Variants in ZW10 observed in about 807,000 individuals in gnomAD.
The protein encoded by ZW10 is centromere/kinetochore protein zw10 homolog.
In ZW10, 53 loss-of-function variants were observed where a neutral mutation model predicts 87.8. That is an observed-to-expected ratio of 0.60 (90% CI 0.48 to 0.76). The LOEUF (loss-of-function observed/expected upper bound fraction) is 0.76, where lower values mean the gene tolerates loss of function less well. ZW10 is among the 30% of genes least tolerant of loss of function. ZW10 has a pLI of 0.00. For missense variants in ZW10, 837 were observed against 923.0 expected, an observed-to-expected ratio of 0.91 and a Z score of 1.21; for synonymous variants, 312 against 329.2, an observed-to-expected ratio of 0.95 and a Z score of 0.57.
At chr11:113,747,401 G>T in intron 9 of ZW10, 130 bp downstream of exon 9, 1 of 783,444 alleles carries the variant, frequency 1.3e-6, no homozygotes, top group Non-Finnish European at 2.0e-6. Flanking sequence ...CAAAACCAAT[G>T]TAAAAAAGAT....
intron 2 of ZW10, among the ~76,000 whole-genome samples, chr11:113,767,677 C>T (rs1448360457): frequency 1.3e-5 from 2 of 152,170 alleles, no homozygotes; most frequent in East Asian, 3.9e-4. Flanking sequence ...ATGTCACTCT[C>T]TTGCTTAAAA....
chr11:113,760,281 T>C lies in ZW10; in HGVS notation c.508A>G (p.Lys170Glu), dbSNP rs1428611533. ...KSLSMELTIQ[K>E]QNILYHLGEE... ...CCAAGGTGATAAAGTATGTTCTGTT[T>C]CTGTATTGTGAGCTCCATGCTGAGA... The change falls in exon 5 of 16, where the codon AAA becomes GAA. Residue 170 changes from lysine (K) to glutamate (E), a missense_variant. Coordinates refer to ENST00000200135, the MANE Select transcript of ZW10 (RefSeq NM_004724.4). 3 of 1,614,166 alleles carry C rather than the reference T, an allele frequency of 1.9e-6. No individual in the cohort carries two copies. Among genetic ancestry groups the C allele is most frequent in the Non-Finnish European group, 2.5e-6 (3 of 1,180,026 alleles).
At chr11:113,742,795 ATG>A in intron 10 of ZW10, among the ~76,000 whole-genome samples, 1 of 152,350 alleles carries the variant, frequency 6.6e-6, no homozygotes, top group East Asian at 1.9e-4. Flanking sequence ...CTGAATGGAC[ATG>A]TGAATGTAAT....
chr11:113,773,669 C>A lies in ZW10; in HGVS notation c.-3G>T. Reference sequence around the variant, plus strand: ...ACTTCTGTCACGAACGAGGCCATGGCCAAGACGGGAACCAACGCTGACTGG... The same window carrying A: ...ACTTCTGTCACGAACGAGGCCATGGACAAGACGGGAACCAACGCTGACTGG... On this transcript the variant is annotated 5_prime_UTR_variant, in exon 1 of 16. Coordinates refer to ENST00000200135, the MANE Select transcript of ZW10 (RefSeq NM_004724.4). 1 of 1,612,920 alleles carries A rather than the reference C, an allele frequency of 6.2e-7. No individual in the cohort carries two copies. Among genetic ancestry groups the A allele is most frequent in the Non-Finnish European group, 8.5e-7 (1 of 1,179,406 alleles).
intron 7 of ZW10, 131 bp downstream of exon 7, chr11:113,757,531 A>T (rs763044646): frequency 1.1e-5 from 8 of 706,014 alleles, no homozygotes; most frequent in Non-Finnish European, 1.6e-5. Flanking sequence ...TTTTGCCCCT[A>T]TGGCACAATT....
At position 113,743,958 on chromosome 11, in the gene ZW10, T is replaced by C. The variant is rs1953652060; in HGVS notation, c.1355A>G (p.Asn452Ser). Residue 452 changes from asparagine to serine, a missense_variant, in exon 10 of 16, where the codon AAT becomes AGT. Physicochemically the swap from Asn to Ser is conservative, Grantham distance 46. Coordinates refer to ENST00000200135, the MANE Select transcript of ZW10 (RefSeq NM_004724.4). Reference sequence around the variant, plus strand: ...ATTCATCACTTCGTGGTACTGAGTATTGGATACTTTCTGTACTTCCAGTTT... The same window carrying C: ...ATTCATCACTTCGTGGTACTGAGTACTGGATACTTTCTGTACTTCCAGTTT... ...DNKLEVQKVSNTQYHEVMNLE... is the reference protein window; with the variant it reads ...DNKLEVQKVSSTQYHEVMNLE... The C allele has an allele frequency of 1.2e-6, 2 of 1,614,244 alleles. No individual in the cohort carries two copies. The highest frequency in any genetic ancestry group is 1.3e-5 in the African/African-American group (1 of 75,068).
intron 7 of ZW10, among the ~76,000 whole-genome samples, chr11:113,752,972 G>GT (rs969560342): frequency 7.9e-5 from 12 of 151,986 alleles, no homozygotes; most frequent in Non-Finnish European, 1.8e-4. Context: ...AAAAGACTGG[G>GT]TTTTTTTAGT....
At position 113,739,226 on chromosome 11, in the gene ZW10, G is replaced by A; in HGVS notation, c.1740C>T (p.Gly580=). The part of the protein sequence containing the change: ...GTATFVDLVP[G]FRRLGTECFL... ...AGTATCAGTTACCAAGTCTCCTGAAGCCAGGTACAAGATCCACAAAAGTAG... is the reference window on the plus strand; with the variant it reads ...AGTATCAGTTACCAAGTCTCCTGAAACCAGGTACAAGATCCACAAAAGTAG... The change falls in exon 12 of 16, where the codon GGC becomes GGT. Residue 580 remains glycine (G), a synonymous_variant. Transcript: ENST00000200135. 6.2e-7 allele frequency: 1 copy of A among 1,613,792 alleles called. No homozygotes were observed. The highest frequency in any genetic ancestry group is 8.5e-7 in the Non-Finnish European group (1 of 1,179,888).
At chr11:113,769,007 TGAGTA>T (rs1401745414) in intron 1 of ZW10, 40 bp from the exon 2 acceptor site, 7 of 1,594,596 alleles carry the variant, frequency 4.4e-6, no homozygotes, top group Middle Eastern at 1.7e-4. Context: ...GACAGTGAAA[TGAGTA>T]GAGAACTCTA....
intron 11 of ZW10, 140 bp downstream of exon 11, chr11:113,741,554 T>TA (rs1247308595): frequency 1.9e-6 from 1 of 520,528 alleles, no homozygotes; most frequent in Non-Finnish European, 3.3e-6. Flanking sequence ...ATATGCGTTT[T>TA]AAAATGATTT....
chr11:113,758,767 T>A, intron 5 of ZW10, 61 bp from the exon 6 acceptor site: 2 of 1,510,460 alleles, frequency 1.3e-6, no homozygotes, highest in African/African-American at 2.8e-5. Flanking sequence ...CCACTTCTAT[T>A]CCTCAGAGCT....
intron 15 of ZW10, 131 bp from the exon 16 acceptor site, chr11:113,733,945 C>T (rs1232366611): frequency 1.8e-5 from 20 of 1,141,168 alleles, no homozygotes; most frequent in Non-Finnish European, 2.2e-5. Flanking sequence ...GGCATCTTTC[C>T]TCTTCTTTAT....
At chr11:113,758,000 C>T (rs888817628) in intron 6 of ZW10, 147 bp from the exon 7 acceptor site, 10 of 546,818 alleles carry the variant, frequency 1.8e-5, no homozygotes, top group Admixed American at 3.7e-5. Context: ...GGTGAGATCC[C>T]GTCTCTACTG....
At chr11:113,764,764 A>AT (rs1460158880) in intron 2 of ZW10, among the ~76,000 whole-genome samples, 3 of 152,200 alleles carry the variant, frequency 2.0e-5, no homozygotes, top group Admixed American at 2.0e-4. Context: ...ACTGAAATGT[A>AT]TTTAACAGTA....
At chr11:113,765,294 T>A (rs1953899046) in intron 2 of ZW10, among the ~76,000 whole-genome samples, 1 of 152,228 alleles carries the variant, frequency 6.6e-6, no homozygotes, top group African/African-American at 2.4e-5. Flanking sequence ...GGTAAGATGA[T>A]GTGGAAACTG....
rs1220240670 is a variant in ZW10, at chr11:113,758,619, G to C, written c.668C>G (p.Pro223Arg). The change falls in exon 6 of 16, where the codon CCC (proline) becomes CGC (arginine). Residue 223 changes from proline to arginine, a missense_variant. By Grantham distance (103) the Pro-to-Arg change is moderately radical. Transcript: ENST00000200135. The stretch of plus-strand genomic sequence containing the variant: ...AAATGCCAAGAGGACAGAACTGATG[G>C]GTGGCATAGGGGTCTTCTCCTCTTT... Reference protein sequence around the residue: ...SHKEEKTPMPPISSVLLAFSV... With the variant: ...SHKEEKTPMPRISSVLLAFSV... 1 of 1,613,954 alleles carries C rather than the reference G, an allele frequency of 6.2e-7. No homozygotes were observed. Among genetic ancestry groups the C allele is most frequent in the Non-Finnish European group, 8.5e-7 (1 of 1,179,904 alleles).
At chr11:113,771,127 C>G (rs778757570) in intron 1 of ZW10, 2 of 151,962 alleles carry the variant, frequency 1.3e-5, no homozygotes, top group African/African-American at 2.4e-5. Flanking sequence ...AGGCGCCCAC[C>G]ACCACACCCG....
At chr11:113,743,698 G>T in intron 10 of ZW10, 104 bp downstream of exon 10, 1 of 902,618 alleles carries the variant, frequency 1.1e-6, no homozygotes, top group Non-Finnish European at 1.8e-6. Context: ...TAACTTCTAG[G>T]ATATGAAAAC....
intron 13 of ZW10, 84 bp from the exon 14 acceptor site, chr11:113,737,787 C>T: frequency 2.1e-6 from 3 of 1,461,470 alleles, no homozygotes; most frequent in Non-Finnish European, 2.7e-6. Flanking sequence ...TTTGTGAGTT[C>T]ATTGGGAAAG....
Sources: allele counts gnomAD v4.1 joint callset (sites outside exome capture counted in the v4.1 genomes callset), GRCh38; gene constraint gnomAD v4.1.1; transcripts MANE v1.5; gene names NCBI Gene and HGNC (gene_info 2026-07-23, HGNC 2026-07-21).